The following SLC26A11 variants were observed in gnomAD, a reference collection of about 807,000 sequenced individuals.
SLC26A11 encodes the protein sodium-independent sulfate anion transporter.
SLC26A11 carries 58 observed loss-of-function variants against 62.2 expected under a neutral mutation model. That is an observed-to-expected ratio of 0.93 (90% CI 0.76 to 1.16). The LOEUF (loss-of-function observed/expected upper bound fraction) is 1.16, where lower values mean the gene tolerates loss of function less well. Among genes scored for constraint, SLC26A11 ranks in the 50% most tolerant of loss-of-function variants. SLC26A11 has a pLI of 0.00. For synonymous variants in SLC26A11, 411 were observed against 368.9 expected, an observed-to-expected ratio of 1.11 and a Z score of -1.31; for missense variants, 790 against 794.3, an observed-to-expected ratio of 0.99 and a Z score of 0.06.
In SLC26A11 at chr17:80,236,928, C is replaced by T; in HGVS notation, c.737C>T (p.Ala246Val). Residue 246 changes from alanine to valine, a missense_variant and splice_region_variant, in exon 8 of 18, where the codon GCT becomes GTT. By Grantham distance (64) the Ala-to-Val change is moderately conservative. Transcript: ENST00000361193. ...SRGLVWAATTARNALVVSFAA... is the reference protein window; with the variant it reads ...SRGLVWAATTVRNALVVSFAA... ...GGACGCACCTCTCCTTCTCTCCTAG[C>T]TCGCAACGCCCTGGTGGTCTCCTTC... is the stretch of plus-strand genomic sequence containing the variant. 1 of 1,609,270 alleles carries T rather than the reference C, an allele frequency of 6.2e-7. No individual in the cohort carries two copies. The highest frequency in any genetic ancestry group is 8.5e-7 in the Non-Finnish European group (1 of 1,175,978).
At position 80,227,962 on chromosome 17, in the gene SLC26A11, T is replaced by C; in HGVS notation, c.736+2T>C. 1 of 1,599,162 alleles carries C rather than the reference T, an allele frequency of 6.3e-7. No homozygotes were observed. The highest frequency in any genetic ancestry group is 8.5e-7 in the Non-Finnish European group (1 of 1,179,248). ...GGCTGGTCTGGGCTGCCACGACAGG[T>C]GAGGGGCCTCTGGCTGACATCTTAT... is the stretch of plus-strand genomic sequence containing the variant. On this transcript the variant is annotated splice_donor_variant, in intron 7 of 17. Coordinates refer to ENST00000361193, the MANE Select transcript of SLC26A11 (RefSeq NM_001166347.2). LOFTEE classifies it high-confidence loss of function.
intron 9 of SLC26A11, among the ~76,000 whole-genome samples, chr17:80,238,651 C>T (rs916539587): frequency 6.6e-6 from 1 of 152,068 alleles, no homozygotes; most frequent in Non-Finnish European, 1.5e-5. Context: ...TTTAGTCCTT[C>T]TTGCGTTTGG....
In SLC26A11 at chr17:80,250,683, C is replaced by T. The variant is rs144389469; in HGVS notation, c.1657-646C>T. Among the ~76,000 whole-genome samples, 205 of 151,276 alleles carry T rather than the reference C, an allele frequency of 1.4e-3. 2 individuals carry two copies. Among genetic ancestry groups the T allele is most frequent in the African/African-American group, 4.6e-3 (188 of 41,160 alleles). The stretch of plus-strand genomic sequence containing the variant: ...CTCTACTAAAAATACAAAAATTAGA[C>T]GGGCATGGTGGCGCACGCCTGTAAT... On this transcript the variant is annotated intron_variant, in intron 16 of 17. Transcript: ENST00000361193.
chr17:80,248,652 G>A lies in SLC26A11; in HGVS notation c.1500G>A (p.Glu500=), dbSNP rs569489286. ...SFPAMEALRE[E]ILSRALEVSP... The stretch of plus-strand genomic sequence containing the variant: ...CTGCCATGGAGGCTCTGCGGGAGGA[G>A]ATCCTAAGCCGGGCCCTGGAAGGTG... The change falls in exon 15 of 18, where the codon GAG becomes GAA. Residue 500 remains glutamate, a synonymous_variant. Coordinates refer to ENST00000361193, the MANE Select transcript of SLC26A11 (RefSeq NM_001166347.2). 13 of 1,578,328 alleles carry A rather than the reference G, an allele frequency of 8.2e-6. No homozygotes were observed. The highest frequency in any genetic ancestry group is 1.1e-5 in the Non-Finnish European group (13 of 1,162,154).
At chr17:80,250,607 G>A (rs1307256369) in intron 16 of SLC26A11, among the ~76,000 whole-genome samples, 1 of 152,070 alleles carries the variant, frequency 6.6e-6, no homozygotes, top group Non-Finnish European at 1.5e-5. Flanking sequence ...AGAGGCCGAG[G>A]CGGGAGGTCA....
chr17:80,231,345 G>A (rs10871502), intron 7 of SLC26A11, among the ~76,000 whole-genome samples: 65,447 of 150,514 alleles, frequency 0.43, 14,408 homozygotes, highest in East Asian at 0.61. Flanking sequence ...TGTATTTTTA[G>A]TGGAGACGGG....
Position 80,222,848 on chromosome 17 carries a change from G to C in SLC26A11, c.427+1G>C. 1 of 1,613,736 alleles carries C rather than the reference G, an allele frequency of 6.2e-7. No individual in the cohort carries two copies. Among genetic ancestry groups the C allele is most frequent in the Non-Finnish European group, 8.5e-7 (1 of 1,179,830 alleles). The stretch of plus-strand genomic sequence containing the variant: ...CTGGCCATGGGGGTCCTGCGTTTGG[G>C]TGAGGCTCTACCTTCTTGCCAAGGG... On this transcript the variant is annotated splice_donor_variant, in intron 4 of 17. Coordinates refer to ENST00000361193, the MANE Select transcript of SLC26A11 (RefSeq NM_001166347.2). LOFTEE classifies it high-confidence loss of function. This position sits in a 1 kb window ranked among gnomAD's most constrained non-coding sequence, Gnocchi z 4.7.
rs980646401 is a variant in SLC26A11, at chr17:80,228,982, C to A, written c.736+1022C>A. ...CAGTGCATCCGGGATGGGCATGGGT[C>A]CCCTGGCTGAGCACCGGGCAGGGAT... is the stretch of plus-strand genomic sequence containing the variant. On this transcript the variant is annotated intron_variant, in intron 7 of 17. Transcript: ENST00000361193. This position sits in a 1 kb window ranked among gnomAD's most constrained non-coding sequence, Gnocchi z 4.1. 6.6e-6 allele frequency among the ~76,000 whole-genome samples: 1 copy of A among 152,160 alleles called. No homozygotes were observed. The highest frequency in any genetic ancestry group is 1.5e-5 in the Non-Finnish European group (1 of 68,030).
chr17:80,241,516 TCTA>T (rs2042859322), intron 9 of SLC26A11, among the ~76,000 whole-genome samples: 1 of 152,212 alleles, frequency 6.6e-6, no homozygotes, highest in Non-Finnish European at 1.5e-5. Flanking sequence ...TGCCTTGGCC[TCTA>T]AAAGTGCTGC....
Position 80,225,067 on chromosome 17 carries a change from T to C in SLC26A11, c.514-770T>C, listed in dbSNP as rs1214239824. ...ATGTAAAGAACTAAAGTGCAAGCTG[T>C]GCCTGCACTGTGGATCCCAGCTACG... is the stretch of plus-strand genomic sequence containing the variant. On this transcript the variant is annotated intron_variant, in intron 5 of 17. Coordinates refer to ENST00000361193, the MANE Select transcript of SLC26A11 (RefSeq NM_001166347.2). Among the ~76,000 whole-genome samples the C allele has an allele frequency of 4.6e-5, 7 of 152,080 alleles. 1 individual carries two copies. The highest frequency in any genetic ancestry group is 3.3e-4 in the Admixed American group (5 of 15,274).
intron 9 of SLC26A11, among the ~76,000 whole-genome samples, chr17:80,238,500 A>G (rs1047475431): frequency 6.6e-6 from 1 of 152,140 alleles, no homozygotes; most frequent in African/African-American, 2.4e-5. Context: ...GGAGGCAGGG[A>G]ACCCTTCGTC....
At chr17:80,241,582 T>C in intron 9 of SLC26A11, among the ~76,000 whole-genome samples, 189 bp from the exon 10 acceptor site, 1 of 152,224 alleles carries the variant, frequency 6.6e-6, no homozygotes, top group South Asian at 2.1e-4. Flanking sequence ...ACTGTACCTC[T>C]TTCCACTCTG....
chr17:80,244,275 G>T (rs1450597505), intron 10 of SLC26A11, among the ~76,000 whole-genome samples: 1 of 152,208 alleles, frequency 6.6e-6, no homozygotes, highest in Non-Finnish European at 1.5e-5. Flanking sequence ...TGCTGTGGGC[G>T]TGGGCTTTGT....
chr17:80,222,716 ATG>A lies in SLC26A11; in HGVS notation c.299_300del (p.Val100AspfsTer19), dbSNP rs1042105607. On this transcript the variant is annotated frameshift_variant, in exon 4 of 18. Transcript: ENST00000361193. LOFTEE classifies it high-confidence loss of function. The surrounding 1 kb of genome is among the most constrained non-coding windows in gnomAD (Gnocchi z 4.7). ...TATTTCTTCCTGGGCACCTCCCGGG[ATG>A]TGACTCTGGGCCCCACCGCCATTAT... 23 of 1,613,688 alleles carry A rather than the reference ATG, an allele frequency of 1.4e-5. No homozygotes were observed. In the Admixed American group the frequency reaches 2.5e-4, roughly 18 times the overall value.
In SLC26A11 at chr17:80,222,903, T is replaced by C. The variant is rs2042263390; in HGVS notation, c.427+56T>C. On this transcript the variant is annotated intron_variant, in intron 4 of 17. Coordinates refer to ENST00000361193, the MANE Select transcript of SLC26A11 (RefSeq NM_001166347.2). The surrounding 1 kb of genome is among the most constrained non-coding windows in gnomAD (Gnocchi z 4.7). Reference sequence around the variant, plus strand: ...CCCTCGACCTCAGCATTTGCTTGTTTGCATTTCAAGTCTATCCCCGTGTGC... The same window carrying C: ...CCCTCGACCTCAGCATTTGCTTGTTCGCATTTCAAGTCTATCCCCGTGTGC... 2 of 1,584,736 alleles carry C rather than the reference T, an allele frequency of 1.3e-6. No individual in the cohort carries two copies. The highest frequency in any genetic ancestry group is 2.7e-5 in the African/African-American group (2 of 73,870).
chr17:80,241,590 CTG>C (rs1205881359), intron 9 of SLC26A11, among the ~76,000 whole-genome samples, 179 bp from the exon 10 acceptor site: 1 of 152,182 alleles, frequency 6.6e-6, no homozygotes, highest in Non-Finnish European at 1.5e-5. Context: ...TCTTTCCACT[CTG>C]TGATACATTC....
Position 80,252,985 on chromosome 17 carries a change from T to G in SLC26A11, c.*269T>G. 1 of 311,596 alleles carries G rather than the reference T, an allele frequency of 3.2e-6. No individual in the cohort carries two copies. Among genetic ancestry groups the G allele is most frequent in the Non-Finnish European group, 6.1e-6 (1 of 164,626 alleles). 19.3% of individuals were successfully genotyped at this position (311,596 alleles called of 1,614,324 possible). On this transcript the variant is annotated 3_prime_UTR_variant, in exon 18 of 18. Coordinates refer to ENST00000361193, the MANE Select transcript of SLC26A11 (RefSeq NM_001166347.2). The surrounding 1 kb of genome is among the most constrained non-coding windows in gnomAD (Gnocchi z 5.2). ...GAAGAGTGGTTTGGAGAGAGCCTTC[T>G]AGAATGACAGACTGTGCGAGGAAGC...
Position 80,223,728 on chromosome 17 carries a change from T to A in SLC26A11, c.513+391T>A, listed in dbSNP as rs561710483. ...CTAGAATTTCTATAGGCAAATTATT[T>A]CCCCATGCCAATTTAGTTAGATGGT... On this transcript the variant is annotated intron_variant, in intron 5 of 17. Transcript: ENST00000361193. The surrounding 1 kb of genome is among the most constrained non-coding windows in gnomAD (Gnocchi z 4.6). Among the ~76,000 whole-genome samples the A allele has an allele frequency of 9.9e-5, 15 of 152,230 alleles. No individual in the cohort carries two copies. Among genetic ancestry groups the A allele is most frequent in the Non-Finnish European group, 1.5e-5 (1 of 68,048 alleles).
chr17:80,248,008 C>G, intron 13 of SLC26A11, 122 bp from the exon 14 acceptor site: 1 of 1,252,876 alleles, frequency 8.0e-7, no homozygotes, highest in South Asian at 1.8e-5. Context: ...TCAGGGGCTG[C>G]TTGGGGTCCA....
Sources: gnomAD v4.1 joint callset for allele counts (sites outside exome capture counted in the v4.1 genomes callset) on GRCh38, gnomAD v4.1.1 for gene constraint, Gnocchi (gnomAD v3.1) non-coding constraint, MANE v1.5 for transcripts, NCBI Gene and HGNC (gene_info 2026-07-23, HGNC 2026-07-21) for gene names.